The following CADM2 variants were observed in gnomAD, a reference collection of about 807,000 sequenced individuals.
The protein encoded by CADM2 is immunoglobulin superfamily member 4D.
CADM2 carries 12 observed loss-of-function variants against 49.8 expected under a neutral mutation model. The ratio of observed to expected loss-of-function variants is 0.24; its 90% CI spans 0.15 to 0.39. The LOEUF (loss-of-function observed/expected upper bound fraction) is 0.39. CADM2 is among the 10% of genes least tolerant of loss of function. The pLI is 1.00. For synonymous variants in CADM2, 214 were observed against 175.4 expected (o/e 1.22, Z -1.74); for missense variants, 378 against 492.3 (o/e 0.77, Z 2.20).
chr3:85,776,712 A>T (rs139466331), intron 2 of CADM2, among the ~76,000 whole-genome samples: 1 of 152,154 alleles, frequency 6.6e-6, no homozygotes, highest in African/African-American at 2.4e-5. Flanking sequence ...ATATTTCAAT[A>T]TAAGTGTTAA....
chr3:85,041,088 A>T (rs1252318915), intron 1 of CADM2, among the ~76,000 whole-genome samples: 1 of 152,198 alleles, frequency 6.6e-6, no homozygotes, highest in East Asian at 1.9e-4. Flanking sequence ...GACTTAATTC[A>T]GTTCAATCTT....
At chr3:85,939,518 TA>T (rs1721590588) in intron 7 of CADM2, among the ~76,000 whole-genome samples, 1 of 109,374 alleles carries the variant, frequency 9.1e-6, no homozygotes, top group Non-Finnish European at 2.0e-5. Flanking sequence ...GAAACCTTTA[TA>T]TTACATTAAA....
chr3:85,169,186 G>T (rs1165886548), intron 1 of CADM2, among the ~76,000 whole-genome samples: 1 of 151,926 alleles, frequency 6.6e-6, no homozygotes. Flanking sequence ...CAGGGTTCCA[G>T]TTCCACCAGG....
intron 1 of CADM2, among the ~76,000 whole-genome samples, chr3:85,530,321 CGTTTTTTTTTTT>C (rs2061271901): frequency 1.7e-5 from 2 of 119,056 alleles, no homozygotes; most frequent in Non-Finnish European, 1.6e-5. Context: ...TTCTTTTCTC[CGTTTTTTTTTTT>C]TTTTTTTTTT....
intron 8 of CADM2, among the ~76,000 whole-genome samples, chr3:85,988,150 A>G (rs562034143): frequency 6.6e-6 from 1 of 152,330 alleles, no homozygotes; most frequent in South Asian, 2.1e-4. Flanking sequence ...GTCTAATACA[A>G]TCTATTAACT....
At chr3:84,982,780 C>T (rs2032285458) in intron 1 of CADM2, among the ~76,000 whole-genome samples, 1 of 139,908 alleles carries the variant, frequency 7.1e-6, no homozygotes, top group Non-Finnish European at 1.5e-5. Flanking sequence ...TAGTCTTGCT[C>T]TATTGCCCAG....
intron 1 of CADM2, among the ~76,000 whole-genome samples, chr3:85,354,618 C>CAGAGAGACAGAGAGAGAGAGAG (rs1553712791): frequency 7.7e-6 from 1 of 130,158 alleles, no homozygotes; most frequent in Non-Finnish European, 1.6e-5. Context: ...GAATACCTAA[C>CAGAGAGACAGAGAGAGAGAGAG]AGAGAGAGAG....
chr3:85,850,456 G>C lies in CADM2; in HGVS notation c.239-32835G>C, dbSNP rs370078942. 8.6e-5 allele frequency among the ~76,000 whole-genome samples: 13 copies of C among 151,636 alleles called. No homozygotes were observed. In the East Asian group the frequency reaches 2.5e-3, roughly 30 times the overall value. On this transcript the variant is annotated intron_variant, in intron 3 of 9. Coordinates refer to ENST00000383699, the MANE Select transcript of CADM2 (RefSeq NM_001167675.2). Reference sequence around the variant, plus strand: ...TCTCCTGCCTCAGCCTCCTGAGTAGGTGGGACTACAGGCGCCCGCCACCAC... The same window carrying C: ...TCTCCTGCCTCAGCCTCCTGAGTAGCTGGGACTACAGGCGCCCGCCACCAC...
At chr3:85,850,375 A>G in intron 3 of CADM2, among the ~76,000 whole-genome samples, 1 of 131,388 alleles carries the variant, frequency 7.6e-6, no homozygotes, top group Non-Finnish European at 1.5e-5. Flanking sequence ...CCCAGGCTGG[A>G]GAGCAGTGGC....
chr3:85,852,149 A>G (rs896203301), intron 3 of CADM2, among the ~76,000 whole-genome samples: 5 of 152,100 alleles, frequency 3.3e-5, no homozygotes, highest in African/African-American at 1.2e-4. Flanking sequence ...TACAGAGAGT[A>G]CTAAGTATTT....
intron 7 of CADM2, among the ~76,000 whole-genome samples, chr3:85,959,067 T>C (rs964670060): frequency 6.6e-6 from 1 of 151,238 alleles, no homozygotes; most frequent in Non-Finnish European, 1.5e-5. Flanking sequence ...TCTATATCTA[T>C]ATATCTATAT....
intron 1 of CADM2, among the ~76,000 whole-genome samples, chr3:85,281,877 C>G (rs1278303501): frequency 6.6e-6 from 1 of 151,928 alleles, no homozygotes; most frequent in African/African-American, 2.4e-5. Context: ...TAAGGAAAGG[C>G]CTATTAGGCA....
chr3:85,655,657 A>G (rs1308915159), intron 1 of CADM2, among the ~76,000 whole-genome samples: 1 of 152,192 alleles, frequency 6.6e-6, no homozygotes, highest in Non-Finnish European at 1.5e-5. Context: ...CTTACCTAAT[A>G]TTAATGACCT....
chr3:85,408,170 A>C (rs910026393), intron 1 of CADM2, among the ~76,000 whole-genome samples: 1 of 152,196 alleles, frequency 6.6e-6, no homozygotes, highest in Non-Finnish European at 1.5e-5. Flanking sequence ...AGGTAAAGGC[A>C]AGAGTGGATA....
At chr3:85,914,259 T>G (rs1020131466) in intron 6 of CADM2, among the ~76,000 whole-genome samples, 1 of 152,108 alleles carries the variant, frequency 6.6e-6, no homozygotes, top group Non-Finnish European at 1.5e-5. Flanking sequence ...ATTTGTATTT[T>G]GGCTTTGGGA....
chr3:85,521,534 T>TC (rs2061025999), intron 1 of CADM2, among the ~76,000 whole-genome samples: 1 of 152,272 alleles, frequency 6.6e-6, no homozygotes, highest in Non-Finnish European at 1.5e-5. Flanking sequence ...CATGTGATTC[T>TC]CCCTGAAAGC....
chr3:85,168,975 T>C lies in CADM2; in HGVS notation c.61+209307T>C, dbSNP rs72907182. Among the ~76,000 whole-genome samples the C allele has an allele frequency of 6.4e-3, 970 of 151,334 alleles. 13 individuals carry two copies. Among genetic ancestry groups the C allele is most frequent in the African/African-American group, 0.022 (902 of 41,068 alleles). ...TATTTATTTATTTATTTATTTGGGA[T>C]GGAGTTTCACTCTTGTTGCCCAGGC... On this transcript the variant is annotated intron_variant, in intron 1 of 9. Transcript: ENST00000383699.
intron 1 of CADM2, among the ~76,000 whole-genome samples, chr3:85,622,581 C>T (rs986951524): frequency 3.9e-5 from 6 of 152,102 alleles, no homozygotes; most frequent in Admixed American, 2.6e-4. Flanking sequence ...TTAGCAGATC[C>T]TCATAGTTGA....
intron 1 of CADM2, among the ~76,000 whole-genome samples, chr3:85,444,537 A>G (rs1348949038): frequency 1.3e-5 from 2 of 151,938 alleles, no homozygotes; most frequent in Non-Finnish European, 2.9e-5. Flanking sequence ...AGATATCCCC[A>G]TAGATCACTT....
Sources: allele counts gnomAD v4.1 joint callset (sites outside exome capture counted in the v4.1 genomes callset), GRCh38; gene constraint gnomAD v4.1.1; transcripts MANE v1.5; gene names NCBI Gene and HGNC (gene_info 2026-07-23, HGNC 2026-07-21).